TMEM196: variants seen among roughly 807,000 people sequenced by gnomAD.
TMEM196 encodes transmembrane protein 196.
Under a neutral mutation model 20.0 loss-of-function variants are expected in TMEM196, and 17 were observed. The observed-to-expected ratio is 0.85, with a 90% confidence interval of 0.58 to 1.27. TMEM196 has a LOEUF of 1.27. TMEM196 is among the 50% of genes most tolerant of loss of function. The probability of loss-of-function intolerance (pLI) is 0.00; values close to 1 mark genes in which losing one functional copy is unlikely to be tolerated. For missense variants in TMEM196, 267 were observed against 223.0 expected (o/e 1.20, Z -1.26); for synonymous variants, 113 against 88.9 (o/e 1.27, Z -1.52).
At chr7:19,744,957 G>T (rs564451503) in intron 1 of TMEM196, among the ~76,000 whole-genome samples, 1 of 152,028 alleles carries the variant, frequency 6.6e-6, no homozygotes, top group South Asian at 2.1e-4. Context: ...TGAAGCTTGG[G>T]ATTTCCTAAT....
At chr7:19,768,145 A>T (rs1327709091) in intron 1 of TMEM196, among the ~76,000 whole-genome samples, 2 of 152,128 alleles carry the variant, frequency 1.3e-5, no homozygotes, top group African/African-American at 4.8e-5. Context: ...AATATGCTCC[A>T]GAAAAATAAG....
intron 1 of TMEM196, among the ~76,000 whole-genome samples, chr7:19,741,473 T>C (rs981268987): frequency 2.0e-5 from 3 of 152,196 alleles, no homozygotes; most frequent in African/African-American, 7.2e-5. Flanking sequence ...TAATCATCAC[T>C]GAATCAAATC....
chr7:19,761,569 C>G (rs1455192947), intron 1 of TMEM196, among the ~76,000 whole-genome samples: 1 of 152,118 alleles, frequency 6.6e-6, no homozygotes, highest in African/African-American at 2.4e-5. Flanking sequence ...ATCTTGGTGG[C>G]TTAGCAGACC....
At chr7:19,737,641 A>G (rs1178693202) in intron 1 of TMEM196, among the ~76,000 whole-genome samples, 3 of 152,010 alleles carry the variant, frequency 2.0e-5, no homozygotes, top group African/African-American at 7.2e-5. Context: ...ATATTTCTAT[A>G]TAAAAAAGGC....
intron 1 of TMEM196, among the ~76,000 whole-genome samples, chr7:19,759,199 G>T (rs151038741): frequency 2.0e-4 from 31 of 152,186 alleles, no homozygotes; most frequent in African/African-American, 7.5e-4. Flanking sequence ...GCACACATTG[G>T]CCTGGCCTAT....
At chr7:19,723,913 C>T (rs775948991) in intron 4 of TMEM196, among the ~76,000 whole-genome samples, 6 of 152,112 alleles carry the variant, frequency 3.9e-5, no homozygotes, top group Non-Finnish European at 7.3e-5. Context: ...GGAAAATACA[C>T]AGTTTGTCTT....
chr7:19,765,222 C>T (rs1785581381), intron 1 of TMEM196, among the ~76,000 whole-genome samples: 1 of 152,030 alleles, frequency 6.6e-6, no homozygotes, highest in Non-Finnish European at 1.5e-5. Context: ...ACTCTATCTC[C>T]CAAGTTGATC....
chr7:19,743,578 T>C (rs1784651152), intron 1 of TMEM196, among the ~76,000 whole-genome samples: 1 of 152,176 alleles, frequency 6.6e-6, no homozygotes, highest in Admixed American at 6.6e-5. Flanking sequence ...ATAATTGGAC[T>C]GTGAAAACGA....
chr7:19,770,465 C>T (rs1488491997), intron 1 of TMEM196, among the ~76,000 whole-genome samples: 1 of 152,208 alleles, frequency 6.6e-6, no homozygotes, highest in African/African-American at 2.4e-5. Context: ...GCCAGTCTGT[C>T]ACCCAATAAA....
At chr7:19,765,866 A>T (rs1785606969) in intron 1 of TMEM196, among the ~76,000 whole-genome samples, 1 of 152,172 alleles carries the variant, frequency 6.6e-6, no homozygotes, top group Non-Finnish European at 1.5e-5. Context: ...CCATTCAGGA[A>T]CAACGAAAAC....
At chr7:19,762,923 C>G (rs1365878277) in intron 1 of TMEM196, among the ~76,000 whole-genome samples, 1 of 152,178 alleles carries the variant, frequency 6.6e-6, no homozygotes, top group Non-Finnish European at 1.5e-5. Flanking sequence ...GTTATGGAAA[C>G]AAACATAGCT....
chr7:19,738,306 C>A (rs192076181), intron 1 of TMEM196, among the ~76,000 whole-genome samples: 1 of 151,946 alleles, frequency 6.6e-6, no homozygotes, highest in African/African-American at 2.4e-5. Flanking sequence ...TGATCCACAT[C>A]GTAAGGGATT....
chr7:19,726,473 T>C (rs1404449904), intron 2 of TMEM196, among the ~76,000 whole-genome samples: 1 of 152,204 alleles, frequency 6.6e-6, no homozygotes, highest in Non-Finnish European at 1.5e-5. Context: ...CTGACCCCTA[T>C]ATATTACAAA....
chr7:19,731,522 A>C (rs1352915343), intron 1 of TMEM196, among the ~76,000 whole-genome samples: 1 of 152,198 alleles, frequency 6.6e-6, no homozygotes, highest in African/African-American at 2.4e-5. Flanking sequence ...CTTCTCCTTA[A>C]GTTTCCCTGA....
At chr7:19,724,519 T>G (rs1473098490) in intron 3 of TMEM196, among the ~76,000 whole-genome samples, 166 bp from the exon 4 acceptor site, 1 of 152,224 alleles carries the variant, frequency 6.6e-6, no homozygotes. Context: ...AGTCTTGCTA[T>G]GTATATTATT....
chr7:19,731,285 A>G (rs1784192587), intron 1 of TMEM196, among the ~76,000 whole-genome samples: 1 of 152,260 alleles, frequency 6.6e-6, no homozygotes, highest in African/African-American at 2.4e-5. Context: ...AGAACTTTAT[A>G]AAACCTGAAT....
intron 1 of TMEM196, among the ~76,000 whole-genome samples, chr7:19,745,714 C>T (rs17355404): frequency 0.024 from 3,539 of 147,586 alleles, 67 homozygotes; most frequent in Middle Eastern, 0.065. Context: ...TATGCCGGCC[C>T]TGTTCCATCC....
intron 1 of TMEM196, among the ~76,000 whole-genome samples, chr7:19,747,255 A>C (rs1414540069): frequency 9.7e-6 from 1 of 103,372 alleles, no homozygotes; most frequent in African/African-American, 4.8e-5. Flanking sequence ...ACTCCGTCTC[A>C]AAAAAATAAA....
At chr7:19,731,987 T>G (rs1784221382) in intron 1 of TMEM196, among the ~76,000 whole-genome samples, 1 of 152,180 alleles carries the variant, frequency 6.6e-6, no homozygotes, top group Non-Finnish European at 1.5e-5. Flanking sequence ...ATGGGATTTA[T>G]GAGGAGGATC....
Sources: allele counts gnomAD v4.1 joint callset (sites outside exome capture counted in the v4.1 genomes callset), GRCh38; gene constraint gnomAD v4.1.1; transcripts MANE v1.5; gene names NCBI Gene and HGNC (gene_info 2026-07-23, HGNC 2026-07-21).